The following FHOD3 variants were observed in gnomAD, a reference collection of about 807,000 sequenced individuals.
The protein encoded by FHOD3 is FH1/FH2 domain-containing protein 3.
In FHOD3, 90 loss-of-function variants were observed where a neutral mutation model predicts 173.0. The ratio of observed to expected loss-of-function variants is 0.52; its 90% confidence interval spans 0.44 to 0.62. The LOEUF (loss-of-function observed/expected upper bound fraction) is 0.62, where lower values mean the gene tolerates loss of function less well. Ranked by LOEUF, FHOD3 falls within the 20% of genes least tolerant of loss-of-function variation. FHOD3 has a pLI of 0.00. For missense variants in FHOD3, 1,945 were observed against 2,034.7 expected (o/e 0.96, Z 0.85); for synonymous variants, 828 against 823.0 (o/e 1.01, Z -0.10).
rs551904999 is a variant in FHOD3 at position 36,718,213 on chromosome 18, C to T, written c.2915C>T (p.Pro972Leu). 3.6e-5 allele frequency: 58 copies of T among 1,614,028 alleles called. No homozygotes were observed. In the South Asian group the frequency reaches 3.6e-4, roughly 10 times the overall value. The change falls in exon 19 of 29, where the codon CCG becomes CTG. Residue 972 changes from proline to leucine, a missense_variant. This residue lies in a region of FHOD3 where 1,099 missense variants were observed against 1,051.2 expected (regional missense o/e 1.05). Transcript: ENST00000590592. ...GTCCCAGAAACAGCGCCGGTGCAGC[C>T]GAAGACAGAGTCTGATTACATCTGG... is the stretch of plus-strand genomic sequence containing the variant. ...DKVPETAPVQ[P>L]KTESDYIWDQ... is the part of the protein sequence containing the mutation.
At chr18:36,561,560 T>C (rs1379078271) in intron 5 of FHOD3, among the ~76,000 whole-genome samples, 1 of 152,238 alleles carries the variant, frequency 6.6e-6, no homozygotes, top group Non-Finnish European at 1.5e-5. Context: ...GACTTTTTTA[T>C]TGTGGATATA....
At chr18:36,323,129 G>A (rs2044487911) in intron 1 of FHOD3, among the ~76,000 whole-genome samples, 1 of 152,168 alleles carries the variant, frequency 6.6e-6, no homozygotes. Context: ...TTCGACTCAG[G>A]AAATGTCTAG....
intron 3 of FHOD3, among the ~76,000 whole-genome samples, chr18:36,493,835 T>C (rs1190450492): frequency 6.6e-6 from 1 of 152,216 alleles, no homozygotes; most frequent in Non-Finnish European, 1.5e-5. Flanking sequence ...AGGAAAGTTA[T>C]TGTCTTCCCT....
chr18:36,639,692 G>A (rs1021685888), intron 10 of FHOD3, among the ~76,000 whole-genome samples: 15 of 151,610 alleles, frequency 9.9e-5, no homozygotes, highest in Non-Finnish European at 1.0e-4. Flanking sequence ...GCGTGGTGGT[G>A]GGCGCCTGTA....
chr18:36,683,675 T>G (rs1369321225), intron 15 of FHOD3, among the ~76,000 whole-genome samples: 1 of 152,192 alleles, frequency 6.6e-6, no homozygotes, highest in Admixed American at 6.5e-5. Context: ...TAAAGGGAAT[T>G]TCTAAAGATA....
intron 19 of FHOD3, among the ~76,000 whole-genome samples, chr18:36,721,372 G>A (rs1311329090): frequency 6.6e-6 from 1 of 152,184 alleles, no homozygotes; most frequent in East Asian, 1.9e-4. Context: ...CATGATGGGT[G>A]GCTCATTCTG....
intron 9 of FHOD3, among the ~76,000 whole-genome samples, chr18:36,617,320 CT>C (rs1440831260): frequency 6.6e-6 from 1 of 152,170 alleles, no homozygotes; most frequent in Non-Finnish European, 1.5e-5. Context: ...CAGTCTGCCC[CT>C]AAACAATGTA....
intron 3 of FHOD3, among the ~76,000 whole-genome samples, chr18:36,486,751 A>G (rs561541898): frequency 6.6e-6 from 1 of 152,202 alleles, no homozygotes; most frequent in Non-Finnish European, 1.5e-5. Context: ...TGACAACTAT[A>G]TCTCAAACAA....
chr18:36,377,366 G>T (rs889905845), intron 3 of FHOD3, among the ~76,000 whole-genome samples: 1 of 152,118 alleles, frequency 6.6e-6, no homozygotes, highest in Non-Finnish European at 1.5e-5. Context: ...CTCCTGGCTT[G>T]CAGGGAGGCC....
At chr18:36,505,138 A>G (rs954543372) in intron 4 of FHOD3, among the ~76,000 whole-genome samples, 3 of 152,250 alleles carry the variant, frequency 2.0e-5, no homozygotes, top group African/African-American at 4.8e-5. Flanking sequence ...AGATACATGC[A>G]TTACTCATTG....
chr18:36,770,530 G>GA (rs1279388196), intron 28 of FHOD3, among the ~76,000 whole-genome samples: 6 of 152,184 alleles, frequency 3.9e-5, no homozygotes, highest in African/African-American at 1.4e-4. Flanking sequence ...TTTCTGATGA[G>GA]AATTTTTCCC....
chr18:36,297,989 G>T lies in FHOD3; in HGVS notation c.154G>T (p.Ala52Ser). 1 of 1,550,900 alleles carries T rather than the reference G, an allele frequency of 6.4e-7. No individual in the cohort carries two copies. ...GGCGGGGGTCCATAGGCTGCTGCAG[G>T]CGCCGCACAAGGTACGACCCGGCGG... ...QLAGVHRLLQAPHKLDDCTLQ... is the reference protein window; with the variant it reads ...QLAGVHRLLQSPHKLDDCTLQ... The change falls in exon 1 of 29, where the codon GCG (alanine) becomes TCG (serine). Residue 52 changes from alanine to serine, a missense_variant. Physicochemically the swap from Ala to Ser is moderately conservative, Grantham distance 99. Around this residue, in one of 5 missense-constraint regions of FHOD3, gnomAD observed 245 missense variants for 267.7 expected, o/e 0.92. Transcript: ENST00000590592.
chr18:36,737,409 C>T (rs1308327132), intron 20 of FHOD3, among the ~76,000 whole-genome samples: 1 of 152,290 alleles, frequency 6.6e-6, no homozygotes, highest in East Asian at 1.9e-4. Context: ...TTAAATCATG[C>T]ATGTTTTTAA....
rs751057441 is a variant in FHOD3, at chr18:36,652,666, A to G, written c.1383A>G (p.Gly461=). Reference sequence around the variant, plus strand: ...CTGTCTCGAATGCCAGCTCGCAGGGAAAGCCGCTTCTGGTTGGCACTGCAG... The same window carrying G: ...CTGTCTCGAATGCCAGCTCGCAGGGGAAGCCGCTTCTGGTTGGCACTGCAG... ...LPAVSNASSQ[G]KPLLVGTAGG... is the part of the protein sequence containing the mutation. Residue 461 remains glycine, a synonymous_variant, in exon 12 of 29, where the codon GGA becomes GGG. Coordinates refer to ENST00000590592, the MANE Select transcript of FHOD3 (RefSeq NM_001281740.3). 1.6e-5 allele frequency: 25 copies of G among 1,535,492 alleles called. No individual in the cohort carries two copies. Among genetic ancestry groups the G allele is most frequent in the Middle Eastern group, 3.4e-4 (2 of 5,932 alleles).
intron 10 of FHOD3, 75 bp from the exon 11 acceptor site, chr18:36,649,241 C>T: frequency 1.0e-6 from 1 of 959,090 alleles, no homozygotes; most frequent in Non-Finnish European, 1.5e-6. Flanking sequence ...GCTTCATCTT[C>T]CTGTTTGTCT....
chr18:36,383,011 T>C (rs2047867418), intron 3 of FHOD3, among the ~76,000 whole-genome samples: 1 of 152,198 alleles, frequency 6.6e-6, no homozygotes, highest in Non-Finnish European at 1.5e-5. Context: ...GTGTGTGTGA[T>C]TGTCAGGGAG....
chr18:36,629,403 A>T (rs541905435), intron 10 of FHOD3, among the ~76,000 whole-genome samples: 62 of 152,318 alleles, frequency 4.1e-4, no homozygotes, highest in African/African-American at 1.5e-3. Context: ...ACCATTAAAA[A>T]TGTGAAAACC....
chr18:36,318,130 TGTA>T (rs201255311), intron 1 of FHOD3, among the ~76,000 whole-genome samples: 13,224 of 152,170 alleles, frequency 0.087, 1,837 homozygotes, highest in African/African-American at 0.3. Flanking sequence ...ACTATAGCCT[TGTA>T]GTATAGTTTG....
chr18:36,496,392 A>G (rs547397977), intron 3 of FHOD3, among the ~76,000 whole-genome samples: 3 of 152,314 alleles, frequency 2.0e-5, no homozygotes, highest in African/African-American at 7.2e-5. Context: ...GACAAATTAT[A>G]TGTCATTTAC....
Sources: gnomAD v4.1 joint callset for allele counts (sites outside exome capture counted in the v4.1 genomes callset) on GRCh38, gnomAD v4.1.1 for gene constraint, gnomAD v4.1.1 regional missense constraint, MANE v1.5 for transcripts, NCBI Gene and HGNC (gene_info 2026-07-23, HGNC 2026-07-21) for gene names.